PTPRT: variants seen among roughly 807,000 people sequenced by gnomAD.
PTPRT encodes the protein receptor-type tyrosine-protein phosphatase T.
PTPRT carries 56 observed loss-of-function variants against 176.8 expected under a neutral mutation model. The observed-to-expected ratio is 0.32, with a 90% CI of 0.26 to 0.40. PTPRT has a LOEUF of 0.40. Among genes scored for constraint, PTPRT ranks in the 10% least tolerant of loss-of-function variants. The pLI, the probability that PTPRT is intolerant of heterozygous loss-of-function variation, is 1.00. For missense variants in PTPRT, 1,540 were observed against 1,908.2 expected (o/e 0.81, Z 3.60); for synonymous variants, 783 against 739.0 (o/e 1.06, Z -0.96).
intron 17 of PTPRT, among the ~76,000 whole-genome samples, chr20:42,144,664 C>A (rs1988782611): frequency 6.6e-6 from 1 of 152,254 alleles, no homozygotes; most frequent in Non-Finnish European, 1.5e-5. Flanking sequence ...GATTATCAGA[C>A]CATGTTTTGA....
chr20:42,825,446 T>C (rs1041604458), intron 2 of PTPRT, among the ~76,000 whole-genome samples: 2 of 152,102 alleles, frequency 1.3e-5, no homozygotes, highest in African/African-American at 4.8e-5. Flanking sequence ...AAAATGTTAA[T>C]GATAGAATTC....
At chr20:42,246,536 G>T (rs2056454154) in intron 14 of PTPRT, among the ~76,000 whole-genome samples, 1 of 152,122 alleles carries the variant, frequency 6.6e-6, no homozygotes, top group South Asian at 2.1e-4. Context: ...CTCAGAGGAG[G>T]TTAAAACTAC....
intron 1 of PTPRT, among the ~76,000 whole-genome samples, chr20:43,131,911 C>CA: frequency 6.6e-6 from 1 of 151,498 alleles, no homozygotes; most frequent in Middle Eastern, 3.4e-3. Flanking sequence ...TAATAGATAC[C>CA]AAAAAAGCAT....
chr20:42,366,901 G>C (rs992580223), intron 9 of PTPRT, among the ~76,000 whole-genome samples: 1 of 152,202 alleles, frequency 6.6e-6, no homozygotes, highest in African/African-American at 2.4e-5. Context: ...CCATTGGAGG[G>C]AAAAGTCAAA....
chr20:43,032,313 A>T (rs1041101246), intron 1 of PTPRT, among the ~76,000 whole-genome samples: 4 of 151,972 alleles, frequency 2.6e-5, no homozygotes, highest in African/African-American at 9.7e-5. Context: ...AGTGGGTAAC[A>T]TATTGAGTAG....
At chr20:43,075,476 C>T (rs79905348) in intron 1 of PTPRT, among the ~76,000 whole-genome samples, 2,587 of 152,360 alleles carry the variant, frequency 0.017, 51 homozygotes, top group East Asian at 0.076. Flanking sequence ...CTAATAAGCA[C>T]TCGTCAGGTT....
chr20:42,319,181 C>T (rs76701633), intron 11 of PTPRT, among the ~76,000 whole-genome samples: 1,555 of 152,040 alleles, frequency 0.01, 18 homozygotes, highest in South Asian at 0.05. Context: ...AGGCTGAGGC[C>T]GAGAGGTCAA....
intron 2 of PTPRT, among the ~76,000 whole-genome samples, chr20:42,835,788 G>C (rs927725114): frequency 6.6e-6 from 1 of 151,990 alleles, no homozygotes; most frequent in African/African-American, 2.4e-5. Context: ...ATAATCAACA[G>C]GGAGCAGAAT....
intron 2 of PTPRT, among the ~76,000 whole-genome samples, chr20:42,794,962 CT>C (rs1254759466): frequency 6.6e-6 from 1 of 152,138 alleles, no homozygotes; most frequent in African/African-American, 2.4e-5. Flanking sequence ...GGGAGCCTAT[CT>C]GCGAGTTGAG....
At chr20:42,116,696 G>A (rs1050431122) in intron 21 of PTPRT, among the ~76,000 whole-genome samples, 3 of 152,142 alleles carry the variant, frequency 2.0e-5, no homozygotes, top group African/African-American at 7.2e-5. Flanking sequence ...AAGGGATGGG[G>A]CCAGGATGCA....
intron 1 of PTPRT, among the ~76,000 whole-genome samples, chr20:43,018,563 G>A (rs1188269374): frequency 6.6e-6 from 1 of 152,170 alleles, no homozygotes; most frequent in Non-Finnish European, 1.5e-5. Flanking sequence ...AGATTGAAAG[G>A]CAAATGTAAA....
chr20:42,198,518 T>C (rs1004139768), intron 16 of PTPRT, among the ~76,000 whole-genome samples: 2 of 152,202 alleles, frequency 1.3e-5, no homozygotes, highest in Non-Finnish European at 2.9e-5. Context: ...AACTGTCTGA[T>C]AGAATGGCTG....
chr20:43,147,701 T>C (rs2014211874), intron 1 of PTPRT, among the ~76,000 whole-genome samples: 1 of 152,220 alleles, frequency 6.6e-6, no homozygotes, highest in South Asian at 2.1e-4. Flanking sequence ...ATCATGTTTC[T>C]CTGTCTATTC....
intron 9 of PTPRT, among the ~76,000 whole-genome samples, chr20:42,419,573 T>G (rs573978150): frequency 6.6e-6 from 1 of 152,258 alleles, no homozygotes; most frequent in South Asian, 2.1e-4. Flanking sequence ...TGCTGGAACT[T>G]GAGGCTGGGG....
At chr20:42,783,820 G>T (rs6030469) in intron 3 of PTPRT, among the ~76,000 whole-genome samples, 14,814 of 152,162 alleles carry the variant, frequency 0.097, 808 homozygotes, top group South Asian at 0.2. Context: ...AAGTCTAGAG[G>T]TGACTCTGGT....
At chr20:42,827,377 A>C (rs961047418) in intron 2 of PTPRT, among the ~76,000 whole-genome samples, 1 of 152,230 alleles carries the variant, frequency 6.6e-6, no homozygotes. Context: ...TGCAATAAAA[A>C]TAGAAGTCAA....
At chr20:43,063,493 G>C (rs938446955) in intron 1 of PTPRT, 1 of 152,204 alleles carries the variant, frequency 6.6e-6, no homozygotes, top group African/African-American at 2.4e-5. Context: ...CCATCCCCGA[G>C]AGAGTAGGAC....
intron 7 of PTPRT, among the ~76,000 whole-genome samples, chr20:42,505,205 A>C (rs2071822987): frequency 1.3e-5 from 2 of 152,076 alleles, no homozygotes; most frequent in Admixed American, 6.6e-5. Flanking sequence ...TCACGACTTC[A>C]TTCTTTTAAT....
intron 7 of PTPRT, among the ~76,000 whole-genome samples, chr20:42,676,633 G>A (rs139603650): frequency 8.5e-4 from 130 of 152,116 alleles, no homozygotes; most frequent in Non-Finnish European, 1.4e-3. Context: ...ATTCCTGACC[G>A]TACCACTGGC....
Sources: gnomAD v4.1 joint callset for allele counts (sites outside exome capture counted in the v4.1 genomes callset) on GRCh38, gnomAD v4.1.1 for gene constraint, MANE v1.5 for transcripts, NCBI Gene and HGNC (gene_info 2026-07-23, HGNC 2026-07-21) for gene names.